MAGI1: variants seen among roughly 807,000 people sequenced by gnomAD.
MAGI1 encodes the protein membrane-associated guanylate kinase, WW and PDZ domain-containing protein 1.
A neutral mutation model predicts 139.9 loss-of-function variants in MAGI1; 58 were observed. The observed-to-expected ratio is 0.41, with a 90% CI of 0.34 to 0.52. The LOEUF (loss-of-function observed/expected upper bound fraction) is 0.52. MAGI1 is among the 20% of genes least tolerant of loss of function. MAGI1 has a pLI of 0.12. For missense variants in MAGI1, 1,874 were observed against 1,901.6 expected (o/e 0.99, Z 0.27); for synonymous variants, 812 against 737.9 (o/e 1.10, Z -1.63).
chr3:65,693,085 G>A (rs908474328), intron 1 of MAGI1, among the ~76,000 whole-genome samples: 1 of 152,006 alleles, frequency 6.6e-6, no homozygotes, highest in Non-Finnish European at 1.5e-5. Context: ...ATAGGCATGA[G>A]ATACTATGCC....
chr3:65,957,369 A>C (rs888759752), intron 1 of MAGI1, among the ~76,000 whole-genome samples: 1 of 150,912 alleles, frequency 6.6e-6, no homozygotes, highest in Admixed American at 6.6e-5. Flanking sequence ...AAAAAAAAAA[A>C]ATTTAGCTGA....
chr3:66,004,621 C>G (rs2066918870), intron 1 of MAGI1, among the ~76,000 whole-genome samples: 1 of 152,182 alleles, frequency 6.6e-6, no homozygotes, highest in African/African-American at 2.4e-5. Context: ...ATCACCTTCC[C>G]CACTCCCATG....
rs575826249 is a variant in MAGI1, at chr3:65,575,949, T to G, written c.430+46023A>C. Among the ~76,000 whole-genome samples, 5 of 152,286 alleles carry G rather than the reference T, an allele frequency of 3.3e-5. No individual in the cohort carries two copies. The East Asian group carries it at 9.6e-4, about 29-fold the overall frequency. On this transcript the variant is annotated intron_variant, in intron 2 of 22. Coordinates refer to ENST00000402939, the MANE Select transcript of MAGI1 (RefSeq NM_001033057.2). The stretch of plus-strand genomic sequence containing the variant: ...TTATAAAGGGGCACAAGGACATTTT[T>G]GGGGGAGCTAATGTATGTTCGTTTT...
At chr3:65,514,686 T>C (rs1285108925) in intron 2 of MAGI1, among the ~76,000 whole-genome samples, 11 of 142,502 alleles carry the variant, frequency 7.7e-5, no homozygotes, top group African/African-American at 2.2e-4. Context: ...TGTGGAGAAA[T>C]AGGAACACTT....
chr3:65,612,874 G>A (rs897788338), intron 2 of MAGI1, among the ~76,000 whole-genome samples: 10 of 152,038 alleles, frequency 6.6e-5, no homozygotes, highest in African/African-American at 1.7e-4. Context: ...TTCATAAATC[G>A]TCATGGAAAT....
intron 1 of MAGI1, among the ~76,000 whole-genome samples, chr3:65,967,949 C>G (rs2064839158): frequency 6.6e-6 from 1 of 152,206 alleles, no homozygotes; most frequent in Non-Finnish European, 1.5e-5. Flanking sequence ...AAGGAGGAAA[C>G]TGAGGCAGTG....
At chr3:65,890,326 C>G (rs2060697923) in intron 1 of MAGI1, among the ~76,000 whole-genome samples, 1 of 152,192 alleles carries the variant, frequency 6.6e-6, no homozygotes, top group South Asian at 2.1e-4. Flanking sequence ...GATAGCGCCA[C>G]TGCACTTCAG....
rs192370401 is a variant in MAGI1 at position 65,520,765 on chromosome 3, A to T, written c.431-27134T>A. The stretch of plus-strand genomic sequence containing the variant: ...AGCCACAGTTGACTAGCCATCTTCT[A>T]TGCATCAACAGTGTTTATTAAGATG... On this transcript the variant is annotated intron_variant, in intron 2 of 22. Coordinates refer to ENST00000402939, the MANE Select transcript of MAGI1 (RefSeq NM_001033057.2). Among the ~76,000 whole-genome samples, 298 of 152,304 alleles carry T rather than the reference A, an allele frequency of 2.0e-3. 4 individuals carry two copies. The highest frequency in any genetic ancestry group is 0.014 in the Admixed American group (221 of 15,298).
intron 1 of MAGI1, among the ~76,000 whole-genome samples, chr3:65,878,820 C>T (rs910821250): frequency 1.3e-5 from 2 of 152,102 alleles, no homozygotes; most frequent in Admixed American, 6.5e-5. Flanking sequence ...ACTGATTTAA[C>T]GACCATCTCC....
intron 2 of MAGI1, among the ~76,000 whole-genome samples, chr3:65,611,472 T>G (rs1322680713): frequency 1.4e-5 from 2 of 144,616 alleles, no homozygotes; most frequent in Admixed American, 1.4e-4. Context: ...GTATATATAC[T>G]ATACATACAC....
chr3:65,514,997 G>A (rs1165166525), intron 2 of MAGI1, among the ~76,000 whole-genome samples: 12 of 148,594 alleles, frequency 8.1e-5, no homozygotes, highest in African/African-American at 2.5e-4. Flanking sequence ...TGATGAGTTC[G>A]TGTCCTTTAT....
chr3:65,795,595 C>A (rs925262937), intron 1 of MAGI1, among the ~76,000 whole-genome samples: 4 of 151,840 alleles, frequency 2.6e-5, no homozygotes, highest in Non-Finnish European at 5.9e-5. Context: ...TTTCTTACAA[C>A]TACTTGTAAA....
chr3:65,762,106 C>A (rs2037079964), intron 1 of MAGI1, among the ~76,000 whole-genome samples: 1 of 152,080 alleles, frequency 6.6e-6, no homozygotes, highest in South Asian at 2.1e-4. Flanking sequence ...CCAGGGCTCA[C>A]AATACCCCAG....
At chr3:65,485,384 CA>C (rs1185850391) in intron 3 of MAGI1, among the ~76,000 whole-genome samples, 2 of 152,164 alleles carry the variant, frequency 1.3e-5, no homozygotes, top group Non-Finnish European at 1.5e-5. Flanking sequence ...CAAGACCAAA[CA>C]GGAGAACATA....
Position 65,430,856 on chromosome 3 carries a change from A to C in MAGI1, c.1389T>G (p.Pro463=). ...GAATGAACTTGCCTTTCAACTCAGAAGGGTTTCGTGTAAAAAAGGGTTTGC... is the reference window on the plus strand; with the variant it reads ...GAATGAACTTGCCTTTCAACTCAGACGGGTTTCGTGTAAAAAAGGGTTTGC... ...LQGKPFFTRN[P]SELKGKFIHT... The change falls in exon 11 of 23, where the codon CCT becomes CCG. Residue 463 remains proline, a synonymous_variant. Transcript: ENST00000402939. The C allele has an allele frequency of 6.2e-7, 1 of 1,613,624 alleles. No individual in the cohort carries two copies. The highest frequency in any genetic ancestry group is 8.5e-7 in the Non-Finnish European group (1 of 1,179,738).
At chr3:65,381,740 C>T in intron 16 of MAGI1, 137 bp downstream of exon 16, 1 of 779,812 alleles carries the variant, frequency 1.3e-6, no homozygotes, top group Non-Finnish European at 2.0e-6. Context: ...AGAAGCAAGC[C>T]ATCTGGAAAT....
intron 1 of MAGI1, among the ~76,000 whole-genome samples, chr3:65,990,076 A>G (rs1048217802): frequency 2.6e-5 from 4 of 152,196 alleles, no homozygotes; most frequent in Non-Finnish European, 4.4e-5. Flanking sequence ...GATGATGATG[A>G]TAATGAAGAG....
intron 1 of MAGI1, among the ~76,000 whole-genome samples, chr3:65,981,526 A>C (rs188836381): frequency 2.6e-5 from 4 of 152,264 alleles, no homozygotes; most frequent in African/African-American, 9.6e-5. Flanking sequence ...CAGACTTATA[A>C]AATATTATAT....
intron 7 of MAGI1, among the ~76,000 whole-genome samples, chr3:65,443,259 C>G (rs998067552): frequency 1.3e-5 from 2 of 152,134 alleles, no homozygotes; most frequent in Non-Finnish European, 2.9e-5. Flanking sequence ...ATTTTCAGTA[C>G]AATAGTGTTG....
Sources: allele counts gnomAD v4.1 joint callset (sites outside exome capture counted in the v4.1 genomes callset), GRCh38; gene constraint gnomAD v4.1.1; transcripts MANE v1.5; gene names NCBI Gene and HGNC (gene_info 2026-07-23, HGNC 2026-07-21).